ATF7IP2: variants seen among roughly 807,000 people sequenced by gnomAD.
ATF7IP2 encodes the protein activating transcription factor 7 interacting protein 2, also known as activating transcription factor 7-interacting protein 2.
ATF7IP2 carries 42 observed loss-of-function variants against 64.2 expected under a neutral mutation model. The ratio of observed to expected loss-of-function variants is 0.65; its 90% CI spans 0.51 to 0.85. The LOEUF (loss-of-function observed/expected upper bound fraction) is 0.85, where lower values mean the gene tolerates loss of function less well. ATF7IP2 is among the 40% of genes least tolerant of loss of function. ATF7IP2 has a pLI of 0.00. For synonymous variants in ATF7IP2, 308 were observed against 272.8 expected (o/e 1.13, Z -1.27); for missense variants, 933 against 784.2 (o/e 1.19, Z -2.27).
rs183123554 is a variant in ATF7IP2 at position 10,473,363 on chromosome 16, T to C, written c.1427-116T>C. 94 of 653,310 alleles carry C rather than the reference T, an allele frequency of 1.4e-4. No homozygotes were observed. The Admixed American group carries it at 2.7e-3, about 19-fold the overall frequency. The allele number at this position is 653,310 out of a possible 1,614,324, so 40.5% of individuals were successfully genotyped here. ...AGGTAAAGTCAATTGAGTTACTTTT[T>C]ATCACTGTATAATTAACAGCTAATT... On this transcript the variant is annotated intron_variant, in intron 10 of 13. Coordinates refer to ENST00000562102, the MANE Select transcript of ATF7IP2 (RefSeq NM_001393719.1).
At chr16:10,464,103 C>T (rs1218343979) in intron 9 of ATF7IP2, among the ~76,000 whole-genome samples, 1 of 152,140 alleles carries the variant, frequency 6.6e-6, no homozygotes, top group South Asian at 2.1e-4. Context: ...ATTGGTCTCT[C>T]AAGTTATGGC....
At chr16:10,442,364 A>G (rs770875820) in intron 8 of ATF7IP2, among the ~76,000 whole-genome samples, 1 of 152,212 alleles carries the variant, frequency 6.6e-6, no homozygotes, top group Non-Finnish European at 1.5e-5. Context: ...TTGATTTTCT[A>G]GCAGTAAAAG....
chr16:10,395,517 T>A (rs557822080), intron 1 of ATF7IP2, among the ~76,000 whole-genome samples: 4 of 152,272 alleles, frequency 2.6e-5, no homozygotes, highest in Non-Finnish European at 5.9e-5. Context: ...GATGTTTTTT[T>A]AATGTATAGA....
At chr16:10,466,464 A>G (rs1254802973) in intron 9 of ATF7IP2, among the ~76,000 whole-genome samples, 1 of 152,124 alleles carries the variant, frequency 6.6e-6, no homozygotes, top group Admixed American at 6.5e-5. Flanking sequence ...TTACCAAAGA[A>G]GTTGTACCAA....
At chr16:10,470,829 A>G (rs1394200870) in intron 9 of ATF7IP2, among the ~76,000 whole-genome samples, 1 of 140,418 alleles carries the variant, frequency 7.1e-6, no homozygotes, top group East Asian at 2.1e-4. Flanking sequence ...GTGTGTATAT[A>G]TATATATATG....
intron 1 of ATF7IP2, among the ~76,000 whole-genome samples, chr16:10,387,997 G>C (rs1214977277): frequency 6.6e-6 from 1 of 151,974 alleles, no homozygotes; most frequent in African/African-American, 2.4e-5. Flanking sequence ...CCTCCCTCCG[G>C]GTTCAAGTGA....
At chr16:10,418,223 T>C (rs2141834503) in intron 2 of ATF7IP2, among the ~76,000 whole-genome samples, 1 of 152,366 alleles carries the variant, frequency 6.6e-6, no homozygotes, top group Non-Finnish European at 1.5e-5. Context: ...CATGCTATTG[T>C]TTGTGGTTCA....
intron 12 of ATF7IP2, among the ~76,000 whole-genome samples, chr16:10,479,381 C>G (rs527495141): frequency 2.6e-5 from 4 of 152,190 alleles, no homozygotes; most frequent in Non-Finnish European, 5.9e-5. Context: ...AATCATCATA[C>G]TCAGTAAACT....
chr16:10,415,749 G>T (rs549205952), intron 2 of ATF7IP2, among the ~76,000 whole-genome samples: 2 of 152,136 alleles, frequency 1.3e-5, no homozygotes, highest in Non-Finnish European at 2.9e-5. Context: ...AAGCTCATAC[G>T]ACTCTGTAGG....
At chr16:10,402,355 T>G (rs534755612) in intron 1 of ATF7IP2, among the ~76,000 whole-genome samples, 19 of 152,260 alleles carry the variant, frequency 1.2e-4, no homozygotes, top group African/African-American at 4.1e-4. Flanking sequence ...TTCAGAAGCA[T>G]GTTGAATTTC....
chr16:10,431,977 C>G (rs2048273861), intron 5 of ATF7IP2, among the ~76,000 whole-genome samples: 1 of 145,748 alleles, frequency 6.9e-6, no homozygotes, highest in Non-Finnish European at 1.5e-5. Context: ...ATGGGCACCA[C>G]TACGCCCGGC....
chr16:10,448,713 T>C (rs1293171425), intron 8 of ATF7IP2: 1 of 152,206 alleles, frequency 6.6e-6, no homozygotes. Flanking sequence ...CTATTTTAGA[T>C]GTAGATATTT....
intron 1 of ATF7IP2, among the ~76,000 whole-genome samples, chr16:10,398,075 C>G (rs144610185): frequency 6.6e-6 from 1 of 151,536 alleles, no homozygotes; most frequent in Non-Finnish European, 1.5e-5. Context: ...GAGGCTGAGG[C>G]GGGTGGATCA....
At chr16:10,471,485 G>A (rs2049797578) in intron 9 of ATF7IP2, among the ~76,000 whole-genome samples, 1 of 151,934 alleles carries the variant, frequency 6.6e-6, no homozygotes, top group Non-Finnish European at 1.5e-5. Context: ...CCAAGATTGC[G>A]CCACTGCACT....
At chr16:10,455,961 T>C (rs1440120826) in intron 8 of ATF7IP2, among the ~76,000 whole-genome samples, 1 of 152,198 alleles carries the variant, frequency 6.6e-6, no homozygotes, top group Non-Finnish European at 1.5e-5. Context: ...TGGATTTTGT[T>C]TGACTTATGA....
At chr16:10,460,331 C>T (rs1420657686) in intron 9 of ATF7IP2, among the ~76,000 whole-genome samples, 3 of 152,118 alleles carry the variant, frequency 2.0e-5, no homozygotes, top group African/African-American at 7.2e-5. Context: ...TAGAGTACAA[C>T]TTCAGTCAGT....
At chr16:10,455,761 C>T (rs2049142058) in intron 8 of ATF7IP2, among the ~76,000 whole-genome samples, 1 of 152,022 alleles carries the variant, frequency 6.6e-6, no homozygotes, top group South Asian at 2.1e-4. Flanking sequence ...GGACTTAATA[C>T]CTAGATCTTC....
At chr16:10,388,960 C>T (rs1433853016) in intron 1 of ATF7IP2, among the ~76,000 whole-genome samples, 1 of 151,112 alleles carries the variant, frequency 6.6e-6, no homozygotes, top group East Asian at 1.9e-4. Context: ...TGCAGTGAGC[C>T]GAGATCGCAC....
chr16:10,467,021 C>G (rs2049599537), intron 9 of ATF7IP2, among the ~76,000 whole-genome samples: 1 of 151,704 alleles, frequency 6.6e-6, no homozygotes, highest in African/African-American at 2.4e-5. Flanking sequence ...TAAGTGATAT[C>G]TTGCCATAAG....
Sources: gnomAD v4.1 joint callset for allele counts (sites outside exome capture counted in the v4.1 genomes callset) on GRCh38, gnomAD v4.1.1 for gene constraint, MANE v1.5 for transcripts, NCBI Gene and HGNC (gene_info 2026-07-23, HGNC 2026-07-21) for gene names.